The following CAMTA1 variants were observed in gnomAD, a reference collection of about 807,000 sequenced individuals.
CAMTA1 encodes the protein calmodulin binding transcription activator 1, also known as calmodulin-binding transcription activator 1.
Under a neutral mutation model 170.9 loss-of-function variants are expected in CAMTA1, and 27 were observed. The observed-to-expected ratio is 0.16, with a 90% CI of 0.12 to 0.22. CAMTA1 has a LOEUF of 0.22. Ranked by LOEUF, CAMTA1 falls within the 10% of genes least tolerant of loss-of-function variation. The pLI is 1.00. For synonymous variants in CAMTA1, 833 were observed against 891.5 expected (o/e 0.93, Z 1.17); for missense variants, 1,619 against 2,217.2 (o/e 0.73, Z 5.42).
At chr1:7,254,908 G>A (rs947104015) in intron 5 of CAMTA1, among the ~76,000 whole-genome samples, 2 of 152,216 alleles carry the variant, frequency 1.3e-5, no homozygotes, top group African/African-American at 2.4e-5. Flanking sequence ...ATAAAGTGGA[G>A]GTAAGGTGCC....
At chr1:6,909,828 G>A (rs1458091504) in intron 3 of CAMTA1, among the ~76,000 whole-genome samples, 2 of 152,204 alleles carry the variant, frequency 1.3e-5, no homozygotes, top group Non-Finnish European at 2.9e-5. Flanking sequence ...GGGTCTCCCG[G>A]TTTTCAGGCT....
intron 11 of CAMTA1, among the ~76,000 whole-genome samples, chr1:7,684,057 G>T (rs1470093054): frequency 6.6e-6 from 1 of 152,170 alleles, no homozygotes; most frequent in Non-Finnish European, 1.5e-5. Context: ...GTGTAGCAAG[G>T]AGTGGGTCAC....
rs372022120 is a variant in CAMTA1 at position 7,251,721 on chromosome 1, A to T, written c.438+2095A>T. ...GGCTTGAAGTACGTGAGGGTCATCA[A>T]TAGTGCTGAGACGCAGAGCAGCCTG... On this transcript the variant is annotated intron_variant, in intron 5 of 22. Transcript: ENST00000303635. The surrounding 1 kb of genome is among the most constrained non-coding windows in gnomAD (Gnocchi z 5.1). 1.3e-5 allele frequency among the ~76,000 whole-genome samples: 2 copies of T among 152,178 alleles called. No homozygotes were observed. Among genetic ancestry groups the T allele is most frequent in the East Asian group, 1.9e-4 (1 of 5,190 alleles).
At position 7,739,369 on chromosome 1, in the gene CAMTA1, C is replaced by G. The variant is rs544775984; in HGVS notation, c.4182+887C>G. On this transcript the variant is annotated intron_variant, in intron 16 of 22. Coordinates refer to ENST00000303635, the MANE Select transcript of CAMTA1 (RefSeq NM_015215.4). ...TCCTGCTCATTGCATCCCAGGGACCCCTTCATGCCAGCCCTCTGCTGTTTG... is the reference window on the plus strand; with the variant it reads ...TCCTGCTCATTGCATCCCAGGGACCGCTTCATGCCAGCCCTCTGCTGTTTG... Among the ~76,000 whole-genome samples the G allele has an allele frequency of 2.2e-4, 34 of 152,248 alleles. No homozygotes were observed. The South Asian group carries it at 6.2e-3, about 28-fold the overall frequency.
Position 7,688,454 on chromosome 1 carries a change from C to G in CAMTA1, c.2914+10721C>G, listed in dbSNP as rs571619044. On this transcript the variant is annotated intron_variant, in intron 11 of 22. Coordinates refer to ENST00000303635, the MANE Select transcript of CAMTA1 (RefSeq NM_015215.4). ...GTCCAGGCCAGCAATGGGCTGACAT[C>G]CTTAGCCTTTACTGGGATTGGGCTC... 2.0e-5 allele frequency among the ~76,000 whole-genome samples: 3 copies of G among 152,116 alleles called. No homozygotes were observed. The South Asian group carries it at 6.2e-4, about 32-fold the overall frequency.
At chr1:7,213,927 A>G (rs1228547231) in intron 4 of CAMTA1, among the ~76,000 whole-genome samples, 1 of 152,204 alleles carries the variant, frequency 6.6e-6, no homozygotes, top group Non-Finnish European at 1.5e-5. Context: ...GTCCCTACAA[A>G]GGACATGAAC....
At chr1:6,810,372 A>G (rs563113653) in intron 1 of CAMTA1, among the ~76,000 whole-genome samples, 1 of 152,326 alleles carries the variant, frequency 6.6e-6, no homozygotes, top group East Asian at 1.9e-4. Context: ...CTGCAACACC[A>G]TAGCTTGCTT....
In CAMTA1 at chr1:7,332,973, G is replaced by C. The variant is rs60799871; in HGVS notation, c.438+83347G>C. 8.9e-3 allele frequency among the ~76,000 whole-genome samples: 1,360 copies of C among 152,314 alleles called. 18 individuals are homozygous for C. The highest frequency in any genetic ancestry group is 0.031 in the African/African-American group (1,297 of 41,560). ...ACTCATGGCCACTCTGTTGTGGACTGTCACACTATGGAGAGTTGGTGGAAG... is the reference window on the plus strand; with the variant it reads ...ACTCATGGCCACTCTGTTGTGGACTCTCACACTATGGAGAGTTGGTGGAAG... On this transcript the variant is annotated intron_variant, in intron 5 of 22. Coordinates refer to ENST00000303635, the MANE Select transcript of CAMTA1 (RefSeq NM_015215.4).
chr1:7,151,706 G>A (rs961169780), intron 4 of CAMTA1, among the ~76,000 whole-genome samples: 1 of 152,180 alleles, frequency 6.6e-6, no homozygotes, highest in Admixed American at 6.5e-5. Context: ...TCTCCCAGTC[G>A]AGGACGGAGG....
chr1:6,857,860 G>A (rs1438884006), intron 3 of CAMTA1, among the ~76,000 whole-genome samples: 1 of 152,200 alleles, frequency 6.6e-6, no homozygotes, highest in East Asian at 1.9e-4. Flanking sequence ...GGGAGATCTA[G>A]GGATGTTGAG....
intron 6 of CAMTA1, among the ~76,000 whole-genome samples, chr1:7,583,711 C>T (rs1213508088): frequency 3.9e-5 from 6 of 152,142 alleles, no homozygotes; most frequent in African/African-American, 1.2e-4. Flanking sequence ...CTGTCCCGTC[C>T]CAAGTCCACT....
intron 6 of CAMTA1, among the ~76,000 whole-genome samples, chr1:7,499,714 G>A (rs565832742): frequency 6.8e-6 from 1 of 146,944 alleles, no homozygotes; most frequent in East Asian, 2.2e-4. Context: ...ATGAGTGTGT[G>A]TGTGCATGTG....
At chr1:7,761,920 G>T (rs927800050) in intron 22 of CAMTA1, among the ~76,000 whole-genome samples, 2 of 152,096 alleles carry the variant, frequency 1.3e-5, no homozygotes, top group Admixed American at 6.5e-5. Flanking sequence ...GGGGGCTGAG[G>T]CAGGAGAATT....
chr1:7,666,145 G>C (rs1170189990), intron 9 of CAMTA1, among the ~76,000 whole-genome samples: 1 of 151,336 alleles, frequency 6.6e-6, no homozygotes, highest in East Asian at 1.9e-4. Context: ...CTCCAGCCTG[G>C]GCGACAAGAA....
chr1:7,597,002 C>T (rs2095405725), intron 6 of CAMTA1, among the ~76,000 whole-genome samples: 1 of 152,210 alleles, frequency 6.6e-6, no homozygotes, highest in African/African-American at 2.4e-5. Context: ...GTGTCTCCAC[C>T]TGTAATCCCC....
chr1:6,883,225 T>C (rs1268715460), intron 3 of CAMTA1, among the ~76,000 whole-genome samples: 1 of 152,164 alleles, frequency 6.6e-6, no homozygotes, highest in Non-Finnish European at 1.5e-5. Flanking sequence ...CAGAGTGATA[T>C]CTATGTCAGA....
chr1:7,751,477 T>C, intron 20 of CAMTA1, 85 bp downstream of exon 20: 21 of 1,269,738 alleles, frequency 1.7e-5, no homozygotes, highest in Non-Finnish European at 2.3e-5. Context: ...GGGCTGACAT[T>C]GGAGTCTGGG....
At chr1:7,031,170 C>T (rs911294466) in intron 3 of CAMTA1, among the ~76,000 whole-genome samples, 10 of 152,028 alleles carry the variant, frequency 6.6e-5, no homozygotes, top group Admixed American at 3.3e-4. Flanking sequence ...GGGAGGGATA[C>T]GGAAATCTCT....
intron 3 of CAMTA1, among the ~76,000 whole-genome samples, chr1:6,926,403 C>T (rs1683102686): frequency 6.8e-6 from 1 of 146,918 alleles, no homozygotes; most frequent in African/African-American, 2.5e-5. Flanking sequence ...TTCCTCCCTC[C>T]CTCCTCTCTC....
Sources: allele counts gnomAD v4.1 joint callset (sites outside exome capture counted in the v4.1 genomes callset), GRCh38; gene constraint gnomAD v4.1.1; non-coding constraint Gnocchi (gnomAD v3.1); transcripts MANE v1.5; gene names NCBI Gene and HGNC (gene_info 2026-07-23, HGNC 2026-07-21).